Variants in ARHGAP24 observed in about 807,000 individuals in gnomAD.
The protein encoded by ARHGAP24 is rho GTPase-activating protein 24.
In ARHGAP24, 50 loss-of-function variants were observed where a neutral mutation model predicts 76.4. The ratio of observed to expected loss-of-function variants is 0.65; its 90% CI spans 0.52 to 0.83. ARHGAP24 has a LOEUF of 0.83. Ranked by LOEUF, ARHGAP24 falls within the 40% of genes least tolerant of loss-of-function variation. The pLI is 0.00. For missense variants in ARHGAP24, 930 were observed against 914.2 expected (o/e 1.02, Z -0.22); for synonymous variants, 345 against 323.3 (o/e 1.07, Z -0.72).
intron 5 of ARHGAP24, among the ~76,000 whole-genome samples, chr4:85,966,702 G>A (rs1236955631): frequency 6.6e-6 from 1 of 152,088 alleles, no homozygotes; most frequent in Non-Finnish European, 1.5e-5. Context: ...CATTGGTGTT[G>A]GAAGTACTGC....
chr4:85,856,181 G>A (rs1202608979), intron 3 of ARHGAP24, among the ~76,000 whole-genome samples: 1 of 151,936 alleles, frequency 6.6e-6, no homozygotes, highest in Non-Finnish European at 1.5e-5. Context: ...CTATTTCATT[G>A]TGGTTTGAAT....
chr4:85,598,919 A>G (rs1036748657), intron 2 of ARHGAP24, among the ~76,000 whole-genome samples: 1 of 151,666 alleles, frequency 6.6e-6, no homozygotes, highest in African/African-American at 2.4e-5. Context: ...TTTTATTCAT[A>G]TATTTTACTT....
intron 2 of ARHGAP24, among the ~76,000 whole-genome samples, chr4:85,594,915 T>C (rs2076381191): frequency 6.6e-6 from 1 of 152,074 alleles, no homozygotes; most frequent in Non-Finnish European, 1.5e-5. Flanking sequence ...TAATGTAGTC[T>C]ATTTAGAAAA....
At chr4:85,664,478 A>AT (rs1578122328) in intron 2 of ARHGAP24, among the ~76,000 whole-genome samples, 1 of 150,800 alleles carries the variant, frequency 6.6e-6, no homozygotes, top group African/African-American at 2.5e-5. Context: ...GGATTCATTA[A>AT]TTTTTTGAAG....
chr4:85,545,580 G>A (rs896221993), intron 1 of ARHGAP24, among the ~76,000 whole-genome samples: 2 of 152,188 alleles, frequency 1.3e-5, no homozygotes, highest in African/African-American at 4.8e-5. Flanking sequence ...GACAGCTTCT[G>A]AGCCCTTTCA....
intron 3 of ARHGAP24, among the ~76,000 whole-genome samples, chr4:85,896,753 G>A (rs1227732038): frequency 6.6e-6 from 1 of 152,184 alleles, no homozygotes; most frequent in East Asian, 1.9e-4. Flanking sequence ...CATTCTTTCT[G>A]TTTGGGGAGC....
At chr4:85,567,635 A>G (rs963495025) in intron 1 of ARHGAP24, among the ~76,000 whole-genome samples, 4 of 152,138 alleles carry the variant, frequency 2.6e-5, no homozygotes, top group African/African-American at 9.7e-5. Context: ...TGCATGCCAG[A>G]CATCGTACTG....
At chr4:85,821,438 G>C (rs1169359771) in intron 3 of ARHGAP24, among the ~76,000 whole-genome samples, 1 of 152,234 alleles carries the variant, frequency 6.6e-6, no homozygotes, top group Non-Finnish European at 1.5e-5. Flanking sequence ...CAGTGGCACA[G>C]TCATAGCTCA....
intron 8 of ARHGAP24, among the ~76,000 whole-genome samples, chr4:85,980,096 A>G (rs1739567736): frequency 6.6e-6 from 1 of 152,130 alleles, no homozygotes; most frequent in Admixed American, 6.6e-5. Context: ...TCAATTTCCA[A>G]AAACTCCTGA....
chr4:85,480,106 CA>C (rs1722751417), intron 1 of ARHGAP24, among the ~76,000 whole-genome samples: 1 of 152,076 alleles, frequency 6.6e-6, no homozygotes. Flanking sequence ...GTTAAAATGT[CA>C]AAATGTCTTT....
intron 9 of ARHGAP24, among the ~76,000 whole-genome samples, chr4:85,997,281 A>G (rs1039956312): frequency 4.0e-5 from 6 of 151,692 alleles, no homozygotes; most frequent in African/African-American, 1.5e-4. Context: ...TAGGTAGGTA[A>G]ATAGGTAGGT....
rs371535606 is a variant in ARHGAP24, at chr4:85,709,730, A to G, written c.181-12155A>G. On this transcript the variant is annotated intron_variant, in intron 2 of 9. Coordinates refer to ENST00000395184, the MANE Select transcript of ARHGAP24 (RefSeq NM_001025616.3). ...AAATCACTAGCATTCCTATATACCA[A>G]CAACTGTCAAGACACAAACCAAATC... Among the ~76,000 whole-genome samples, 89 of 152,288 alleles carry G rather than the reference A, an allele frequency of 5.8e-4. No individual in the cohort carries two copies. The South Asian group carries it at 0.015, about 25-fold the overall frequency.
intron 2 of ARHGAP24, among the ~76,000 whole-genome samples, chr4:85,680,797 TA>T (rs1223548894): frequency 2.7e-5 from 4 of 148,764 alleles, no homozygotes; most frequent in African/African-American, 9.8e-5. Flanking sequence ...TAATTATAAT[TA>T]TAATATATAA....
intron 3 of ARHGAP24, among the ~76,000 whole-genome samples, chr4:85,881,135 G>A (rs1324272137): frequency 1.3e-5 from 2 of 152,124 alleles, no homozygotes; most frequent in East Asian, 3.9e-4. Flanking sequence ...TAACCAAGAT[G>A]CCTACTAAGT....
rs1027976008 is a variant in ARHGAP24 at position 85,974,318 on chromosome 4, G to T, written c.733-570G>T. Among the ~76,000 whole-genome samples the T allele has an allele frequency of 2.1e-4, 32 of 152,160 alleles. 1 individual carries two copies. Among genetic ancestry groups the T allele is most frequent in the Admixed American group, 1.9e-3 (29 of 15,272 alleles). ...ACTATCTGGACCTTTATGGGCAGAA[G>T]AAGAAAGCAAATTACATTATCCATT... On this transcript the variant is annotated intron_variant, in intron 6 of 9. Coordinates refer to ENST00000395184, the MANE Select transcript of ARHGAP24 (RefSeq NM_001025616.3).
Position 85,874,696 on chromosome 4 carries a change from A to G in ARHGAP24, c.269-48952A>G, listed in dbSNP as rs566384301. ...CATGTAGCAGGAGATATTGTATTTA[A>G]AAAAATAATAATTGTATTTGTGAAT... On this transcript the variant is annotated intron_variant, in intron 3 of 9. Transcript: ENST00000395184. Among the ~76,000 whole-genome samples the G allele has an allele frequency of 1.1e-4, 16 of 148,280 alleles. No homozygotes were observed. The East Asian group carries it at 3.1e-3, about 29-fold the overall frequency.
At chr4:85,715,234 C>T (rs557663042) in intron 2 of ARHGAP24, among the ~76,000 whole-genome samples, 6 of 152,114 alleles carry the variant, frequency 3.9e-5, no homozygotes, top group East Asian at 1.9e-4. Context: ...CTTGCAAACA[C>T]GATAGTAAAA....
At chr4:85,790,983 A>C (rs1408567654) in intron 3 of ARHGAP24, among the ~76,000 whole-genome samples, 1 of 152,238 alleles carries the variant, frequency 6.6e-6, no homozygotes, top group Non-Finnish European at 1.5e-5. Context: ...TAAATATATC[A>C]GGCTTTTACC....
chr4:85,949,114 A>G (rs1407691100), intron 5 of ARHGAP24, among the ~76,000 whole-genome samples: 3 of 152,150 alleles, frequency 2.0e-5, no homozygotes, highest in Non-Finnish European at 4.4e-5. Flanking sequence ...TAATTTTTCC[A>G]GCACCGTTTA....
Sources: allele counts gnomAD v4.1 joint callset (sites outside exome capture counted in the v4.1 genomes callset), GRCh38; gene constraint gnomAD v4.1.1; transcripts MANE v1.5; gene names NCBI Gene and HGNC (gene_info 2026-07-23, HGNC 2026-07-21).